EYS: variants seen among roughly 807,000 people sequenced by gnomAD.
The protein encoded by EYS is EGF-like photoreceptor maintenance factor.
In EYS, 250 loss-of-function variants were observed where a neutral mutation model predicts 282.1. That is an observed-to-expected ratio of 0.89 (90% CI 0.80 to 0.98). EYS has a LOEUF of 0.98. Among genes scored for constraint, EYS ranks in the 50% least tolerant of loss-of-function variants. The pLI, the probability that EYS is intolerant of heterozygous loss-of-function variation, is 0.00. For synonymous variants in EYS, 1,355 were observed against 1,282.9 expected (o/e 1.06, Z -1.20); for missense variants, 4,016 against 3,709.0 (o/e 1.08, Z -2.15).
intron 41 of EYS, among the ~76,000 whole-genome samples, chr6:63,740,731 T>C (rs1012556529): frequency 2.6e-5 from 4 of 152,238 alleles, no homozygotes; most frequent in African/African-American, 4.8e-5. Flanking sequence ...TTTATTGTTA[T>C]GTGCATTAAG....
At chr6:64,645,903 TA>T (rs1052576469) in intron 22 of EYS, among the ~76,000 whole-genome samples, 2 of 152,188 alleles carry the variant, frequency 1.3e-5, no homozygotes, top group Non-Finnish European at 2.9e-5. Context: ...TTAAATACTC[TA>T]AAAGAAATAC....
chr6:65,694,358 G>A (rs1769359887), intron 1 of EYS, among the ~76,000 whole-genome samples: 1 of 148,350 alleles, frequency 6.7e-6, no homozygotes, highest in Non-Finnish European at 1.5e-5. Flanking sequence ...AGTAACTTAT[G>A]GAGTTTAATC....
intron 35 of EYS, among the ~76,000 whole-genome samples, chr6:63,970,646 A>AAG (rs1766525427): frequency 1.3e-5 from 2 of 151,794 alleles, no homozygotes; most frequent in Non-Finnish European, 1.5e-5. Context: ...AAAAAAAAAA[A>AAG]AAATCTGTGG....
intron 30 of EYS, among the ~76,000 whole-genome samples, chr6:64,279,779 T>A (rs1285230079): frequency 6.6e-6 from 1 of 152,192 alleles, no homozygotes; most frequent in African/African-American, 2.4e-5. Flanking sequence ...TGTCCTTTTG[T>A]CTCTTTTCTT....
chr6:64,744,460 G>C (rs1208216065), intron 22 of EYS, among the ~76,000 whole-genome samples: 1 of 152,122 alleles, frequency 6.6e-6, no homozygotes, highest in Non-Finnish European at 1.5e-5. Flanking sequence ...CATTTTCTAA[G>C]ACTCCTCTCA....
At chr6:65,297,463 G>A (rs1207914795) in intron 11 of EYS, among the ~76,000 whole-genome samples, 1 of 151,926 alleles carries the variant, frequency 6.6e-6, no homozygotes, top group Non-Finnish European at 1.5e-5. Flanking sequence ...AAAGAACTTA[G>A]CCATTTAATG....
chr6:63,875,043 T>C (rs1772930724), intron 35 of EYS, among the ~76,000 whole-genome samples: 1 of 152,228 alleles, frequency 6.6e-6, no homozygotes, highest in East Asian at 1.9e-4. Context: ...CATCCCTGTC[T>C]TGTGCCAGTT....
intron 12 of EYS, among the ~76,000 whole-genome samples, chr6:65,097,827 T>A (rs1314077697): frequency 1.3e-5 from 2 of 150,030 alleles, no homozygotes; most frequent in African/African-American, 4.9e-5. Flanking sequence ...AGTACAATAG[T>A]GATTATCAGA....
intron 19 of EYS, among the ~76,000 whole-genome samples, chr6:64,886,074 T>C (rs919130869): frequency 4.6e-5 from 7 of 151,886 alleles, no homozygotes; most frequent in African/African-American, 2.4e-5. Context: ...ACAAAAACTA[T>C]ATTATTGTTA....
At chr6:65,317,879 T>TTTCTTTCTTTCTTTCTTTCTTTCTTTCC (rs1769353529) in intron 11 of EYS, among the ~76,000 whole-genome samples, 1 of 71,592 alleles carries the variant, frequency 1.4e-5, no homozygotes, top group Non-Finnish European at 2.8e-5. Context: ...TCTTTCTTTC[T>TTTCTTTCTTTCTTTCTTTCTTTCTTTCC]TTCTTTCAGA....
intron 2 of EYS, among the ~76,000 whole-genome samples, chr6:65,574,890 T>G (rs1182321732): frequency 6.6e-6 from 1 of 152,136 alleles, no homozygotes; most frequent in Non-Finnish European, 1.5e-5. Flanking sequence ...CTTAACAAAT[T>G]TAAGAAGATT....
At chr6:64,408,628 G>GA (rs35564054) in intron 28 of EYS, among the ~76,000 whole-genome samples, 6 of 152,176 alleles carry the variant, frequency 3.9e-5, no homozygotes, top group East Asian at 1.9e-4. Context: ...ATTTCTGTGA[G>GA]AAAAAATACA....
chr6:64,356,978 A>C (rs980798789), intron 29 of EYS, among the ~76,000 whole-genome samples: 2 of 151,622 alleles, frequency 1.3e-5, no homozygotes, highest in Admixed American at 6.6e-5. Context: ...ATGATTGAAG[A>C]CTATAAAAAA....
intron 13 of EYS, among the ~76,000 whole-genome samples, chr6:65,043,708 T>C (rs1773010414): frequency 6.6e-6 from 1 of 151,470 alleles, no homozygotes; most frequent in African/African-American, 2.4e-5. Context: ...TAATCAATGT[T>C]GTCACAAAAG....
At chr6:64,125,641 C>T (rs879289273) in intron 31 of EYS, among the ~76,000 whole-genome samples, 1 of 151,784 alleles carries the variant, frequency 6.6e-6, no homozygotes, top group Non-Finnish European at 1.5e-5. Context: ...AAAAAATTAG[C>T]CGGGCGTGGT....
chr6:65,629,134 A>T (rs1766822730), intron 2 of EYS, among the ~76,000 whole-genome samples: 1 of 152,214 alleles, frequency 6.6e-6, no homozygotes, highest in African/African-American at 2.4e-5. Context: ...TCAGTTCAAC[A>T]AATAGTGCAA....
chr6:65,006,013 G>A (rs1447834561), intron 13 of EYS, among the ~76,000 whole-genome samples: 1 of 151,988 alleles, frequency 6.6e-6, no homozygotes, highest in Non-Finnish European at 1.5e-5. Flanking sequence ...CTAGCAAGTT[G>A]TATCTCCAAA....
intron 2 of EYS, among the ~76,000 whole-genome samples, chr6:65,503,684 A>G (rs542347342): frequency 6.6e-5 from 10 of 151,790 alleles, no homozygotes; most frequent in African/African-American, 2.4e-4. Flanking sequence ...TGAATATCAA[A>G]TTCTTCCAAA....
chr6:65,536,127 A>G (rs1767954837), intron 2 of EYS, among the ~76,000 whole-genome samples: 1 of 152,132 alleles, frequency 6.6e-6, no homozygotes, highest in Non-Finnish European at 1.5e-5. Flanking sequence ...GGAAGAAGAC[A>G]ATGACACTAA....
Sources: gnomAD v4.1 joint callset for allele counts (sites outside exome capture counted in the v4.1 genomes callset) on GRCh38, gnomAD v4.1.1 for gene constraint, MANE v1.5 for transcripts, NCBI Gene and HGNC (gene_info 2026-07-23, HGNC 2026-07-21) for gene names.